The following ADAMTSL3 variants were observed in gnomAD, a reference collection of about 807,000 sequenced individuals.
ADAMTSL3 encodes the protein ADAMTS-like protein 3.
Under a neutral mutation model 201.7 loss-of-function variants are expected in ADAMTSL3, and 128 were observed. The observed-to-expected ratio is 0.63, with a 90% confidence interval of 0.55 to 0.73. ADAMTSL3 has a LOEUF of 0.73. Among genes scored for constraint, ADAMTSL3 ranks in the 30% least tolerant of loss-of-function variants. The pLI is 0.00. For missense variants in ADAMTSL3, 1,990 were observed against 2,119.6 expected (o/e 0.94, Z 1.20); for synonymous variants, 738 against 748.4 (o/e 0.99, Z 0.23).
chr15:83,780,940 A>G (rs1272305904), intron 4 of ADAMTSL3, among the ~76,000 whole-genome samples: 4 of 152,168 alleles, frequency 2.6e-5, no homozygotes, highest in African/African-American at 9.7e-5. Flanking sequence ...ACAAAACACC[A>G]CTTGAAGAAA....
chr15:83,908,394 T>C (rs968232625), intron 15 of ADAMTSL3, among the ~76,000 whole-genome samples: 3 of 152,256 alleles, frequency 2.0e-5, no homozygotes, highest in Non-Finnish European at 2.9e-5. Flanking sequence ...AATGAATGTC[T>C]GATGTTACTT....
intron 5 of ADAMTSL3, among the ~76,000 whole-genome samples, chr15:83,807,357 G>A (rs575429894): frequency 1.3e-3 from 197 of 152,260 alleles, no homozygotes; most frequent in African/African-American, 4.6e-3. Flanking sequence ...TTGGGAGGCT[G>A]AGGCAGGAGA....
At chr15:83,665,827 T>C (rs1236007779) in intron 2 of ADAMTSL3, among the ~76,000 whole-genome samples, 1 of 152,216 alleles carries the variant, frequency 6.6e-6, no homozygotes, top group Non-Finnish European at 1.5e-5. Flanking sequence ...GCTTTTATTG[T>C]CCAAGCCTTC....
At position 83,820,338 on chromosome 15, in the gene ADAMTSL3, A is replaced by G. The variant is rs566737635; in HGVS notation, c.600+291A>G. On this transcript the variant is annotated intron_variant, in intron 6 of 29. Coordinates refer to ENST00000286744, the MANE Select transcript of ADAMTSL3 (RefSeq NM_207517.3). ...GGTGATTCGCCTGCCTCAGCCTCTC[A>G]AAGTGCTGGGATTACAGGCATGAGC... 2.0e-5 allele frequency among the ~76,000 whole-genome samples: 3 copies of G among 152,250 alleles called. No homozygotes were observed. In the East Asian group the frequency reaches 5.8e-4, roughly 29 times the overall value.
At chr15:83,961,229 G>A (rs1389282355) in intron 19 of ADAMTSL3, among the ~76,000 whole-genome samples, 1 of 152,234 alleles carries the variant, frequency 6.6e-6, no homozygotes, top group East Asian at 1.9e-4. Context: ...GGAAATAAAG[G>A]GAGATGGGAT....
At chr15:84,034,896 A>T (rs536091488) in intron 28 of ADAMTSL3, among the ~76,000 whole-genome samples, 2 of 152,264 alleles carry the variant, frequency 1.3e-5, no homozygotes, top group African/African-American at 4.8e-5. Context: ...TTCTACACTC[A>T]TGCTTCATGT....
rs180884850 is a variant in ADAMTSL3 at position 83,945,439 on chromosome 15, G to A, written c.2490+2357G>A. Among the ~76,000 whole-genome samples the A allele has an allele frequency of 7.2e-5, 11 of 152,278 alleles. No homozygotes were observed. In the East Asian group the frequency reaches 2.1e-3, roughly 29 times the overall value. ...TTAATTTTCCTCCTACTTGCACAAG[G>A]AACAATAGACGGCCCAAGGGAGAAT... On this transcript the variant is annotated intron_variant, in intron 19 of 29. Coordinates refer to ENST00000286744, the MANE Select transcript of ADAMTSL3 (RefSeq NM_207517.3).
intron 26 of ADAMTSL3, among the ~76,000 whole-genome samples, chr15:84,022,959 G>A (rs984377264): frequency 2.0e-5 from 3 of 152,078 alleles, no homozygotes; most frequent in Non-Finnish European, 4.4e-5. Flanking sequence ...TACATGCTCA[G>A]GGAAACCATC....
intron 13 of ADAMTSL3, among the ~76,000 whole-genome samples, chr15:83,894,570 A>G (rs894370085): frequency 6.6e-6 from 1 of 152,158 alleles, no homozygotes; most frequent in East Asian, 1.9e-4. Context: ...TTCTTTAACA[A>G]TTTGGATGTT....
chr15:84,002,931 CTTTTCTTTT>C (rs1286714825), intron 23 of ADAMTSL3, among the ~76,000 whole-genome samples: 15 of 74,614 alleles, frequency 2.0e-4, no homozygotes, highest in African/African-American at 6.7e-4. Context: ...CTTTTCTTTT[CTTTTCTTTT>C]TTTTTTTTTT....
At chr15:84,033,931 A>G (rs1489826091) in intron 28 of ADAMTSL3, among the ~76,000 whole-genome samples, 2 of 152,238 alleles carry the variant, frequency 1.3e-5, no homozygotes, top group South Asian at 4.1e-4. Context: ...TGAAAGTGAA[A>G]TTAAAGGGTA....
intron 2 of ADAMTSL3, among the ~76,000 whole-genome samples, chr15:83,669,499 G>A (rs147726586): frequency 0.068 from 6,658 of 97,200 alleles, 435 homozygotes; most frequent in Admixed American, 0.22. Context: ...ACAGAGTCTT[G>A]CTCTGTCTCC....
intron 2 of ADAMTSL3, among the ~76,000 whole-genome samples, chr15:83,678,435 T>G (rs949205073): frequency 8.6e-5 from 13 of 151,970 alleles, no homozygotes; most frequent in African/African-American, 3.1e-4. Flanking sequence ...CCTCTCTTTT[T>G]TAGCACTTGA....
intron 25 of ADAMTSL3, among the ~76,000 whole-genome samples, chr15:84,017,338 C>T (rs546858583): frequency 5.3e-5 from 8 of 152,228 alleles, no homozygotes; most frequent in East Asian, 3.9e-4. Context: ...AGGATGATCT[C>T]GATCTCCTGA....
chr15:84,016,788 G>T (rs1241069314), intron 25 of ADAMTSL3, among the ~76,000 whole-genome samples: 2 of 152,110 alleles, frequency 1.3e-5, no homozygotes, highest in African/African-American at 2.4e-5. Flanking sequence ...CAAAACTATT[G>T]CCAATTTGGT....
intron 2 of ADAMTSL3, among the ~76,000 whole-genome samples, chr15:83,669,468 T>G (rs1006645705): frequency 1.9e-5 from 2 of 106,504 alleles, no homozygotes; most frequent in Non-Finnish European, 3.9e-5. Flanking sequence ...TTTTTTTTTT[T>G]TTTTTTTTTT....
At chr15:83,846,392 A>G (rs2064498407) in intron 7 of ADAMTSL3, among the ~76,000 whole-genome samples, 1 of 152,230 alleles carries the variant, frequency 6.6e-6, no homozygotes, top group African/African-American at 2.4e-5. Flanking sequence ...CTGACCTCAG[A>G]GTTCATGTGC....
intron 3 of ADAMTSL3, among the ~76,000 whole-genome samples, chr15:83,733,716 A>C (rs953365657): frequency 1.3e-5 from 2 of 151,182 alleles, no homozygotes; most frequent in South Asian, 4.2e-4. Context: ...ATTTACAGGG[A>C]AATGACTTTA....
chr15:83,755,199 T>C (rs2062700231), intron 3 of ADAMTSL3, among the ~76,000 whole-genome samples: 1 of 152,192 alleles, frequency 6.6e-6, no homozygotes, highest in South Asian at 2.1e-4. Flanking sequence ...CATTTTTTTT[T>C]AACATTTGAA....
Sources: gnomAD v4.1 joint callset for allele counts (sites outside exome capture counted in the v4.1 genomes callset) on GRCh38, gnomAD v4.1.1 for gene constraint, MANE v1.5 for transcripts, NCBI Gene and HGNC (gene_info 2026-07-23, HGNC 2026-07-21) for gene names.